ITPR3: variants seen among roughly 807,000 people sequenced by gnomAD.
The protein encoded by ITPR3 is inositol 1,4,5-trisphosphate receptor type 3.
ITPR3 carries 173 observed loss-of-function variants against 293.2 expected under a neutral mutation model. The observed-to-expected ratio is 0.59, with a 90% CI of 0.52 to 0.67. The LOEUF is 0.67. ITPR3 is among the 30% of genes least tolerant of loss of function. ITPR3 has a pLI of 0.00. For synonymous variants in ITPR3, 1,295 were observed against 1,444.4 expected, an observed-to-expected ratio of 0.90 and a Z score of 2.35; for missense variants, 2,796 against 3,592.1, an observed-to-expected ratio of 0.78 and a Z score of 5.66.
intron 3 of ITPR3, among the ~76,000 whole-genome samples, chr6:33,657,496 C>T (rs997128330): frequency 1.8e-4 from 27 of 151,584 alleles, no homozygotes; most frequent in Non-Finnish European, 3.7e-4. Flanking sequence ...CAGGAAATGG[C>T]ACCAAGCAGC....
In ITPR3 at chr6:33,659,063, G is replaced by C. The variant is rs776052649; in HGVS notation, c.571G>C (p.Gly191Arg). The C allele has an allele frequency of 2.5e-6, 4 of 1,614,116 alleles. No homozygotes were observed. Among genetic ancestry groups the C allele is most frequent in the Non-Finnish European group, 3.4e-6 (4 of 1,179,990 alleles). Reference protein sequence around the residue: ...DKVILNPVNAGQPLHASNYEL... With the variant: ...DKVILNPVNARQPLHASNYEL... ...GGTGATCCTGAATCCTGTCAATGCCGGGCAGCCTCTGCATGCCAGCAATTA... is the reference window on the plus strand; with the variant it reads ...GGTGATCCTGAATCCTGTCAATGCCCGGCAGCCTCTGCATGCCAGCAATTA... The change falls in exon 6 of 58, where the codon GGG (glycine) becomes CGG (arginine). Residue 191 changes from glycine to arginine, a missense_variant. Around this residue, in one of 8 missense-constraint regions of ITPR3, gnomAD observed 144 missense variants for 230.8 expected, o/e 0.62. Coordinates refer to ENST00000605930, the MANE Select transcript of ITPR3 (RefSeq NM_002224.4).
intron 1 of ITPR3, among the ~76,000 whole-genome samples, chr6:33,640,045 T>C (rs865816289): frequency 6.6e-6 from 1 of 152,196 alleles, no homozygotes; most frequent in Admixed American, 6.5e-5. Context: ...CTTATGCTTT[T>C]TGTCTTTCTG....
chr6:33,685,766 T>C lies in ITPR3; in HGVS notation c.5606T>C (p.Ile1869Thr). 6.2e-7 allele frequency: 1 copy of C among 1,602,472 alleles called. No individual in the cohort carries two copies. Among genetic ancestry groups the C allele is most frequent in the Non-Finnish European group, 8.5e-7 (1 of 1,172,318 alleles). ...AGTGAGATGGGCACATCCGTGCTCA[T>C]CATGCAGCCCATCCTGCGCTTTCTG... Reference protein sequence around the residue: ...QSSEMGTSVLIMQPILRFLQL... With the variant: ...QSSEMGTSVLTMQPILRFLQL... Residue 1869 changes from isoleucine (I) to threonine (T), a missense_variant, in exon 41 of 58, where the codon ATC becomes ACC. Ile to Thr is a moderately conservative substitution (Grantham distance 89). Around this residue, in one of 8 missense-constraint regions of ITPR3, gnomAD observed 704 missense variants for 797.5 expected, o/e 0.88. Coordinates refer to ENST00000605930, the MANE Select transcript of ITPR3 (RefSeq NM_002224.4).
chr6:33,637,653 G>A (rs1763854502), intron 1 of ITPR3, among the ~76,000 whole-genome samples: 1 of 150,568 alleles, frequency 6.6e-6, no homozygotes, highest in Non-Finnish European at 1.5e-5. Flanking sequence ...TTTTTAGACG[G>A]AGTTTTGCTC....
At position 33,663,851 on chromosome 6, in the gene ITPR3, C is replaced by G; in HGVS notation, c.1119C>G (p.Thr373=). Residue 373 remains threonine (T), a synonymous_variant, in exon 11 of 58, where the codon ACC becomes ACG. Transcript: ENST00000605930. ...IASLFELDPT[T]LQKTDSFVPR... Reference sequence around the variant, plus strand: ...CTCTCTTTGAGCTGGACCCCACCACCTTGCAGAAAACCGACTCTTTCGTGC... The same window carrying G: ...CTCTCTTTGAGCTGGACCCCACCACGTTGCAGAAAACCGACTCTTTCGTGC... 6.2e-7 allele frequency: 1 copy of G among 1,614,196 alleles called. No individual in the cohort carries two copies. Among genetic ancestry groups the G allele is most frequent in the Non-Finnish European group, 8.5e-7 (1 of 1,180,016 alleles).
At chr6:33,681,904 G>A (rs114818703) in intron 33 of ITPR3, among the ~76,000 whole-genome samples, 1 of 151,144 alleles carries the variant, frequency 6.6e-6, no homozygotes, top group Non-Finnish European at 1.5e-5. Context: ...TTTTTGAGAC[G>A]GAGTCTCACT....
Position 33,695,104 on chromosome 6 carries a change from C to A in ITPR3, c.7947+19C>A. 1.2e-6 allele frequency: 2 copies of A among 1,611,638 alleles called. No homozygotes were observed. Among genetic ancestry groups the A allele is most frequent in the Non-Finnish European group, 1.7e-6 (2 of 1,178,978 alleles). On this transcript the variant is annotated intron_variant, in intron 57 of 57. Transcript: ENST00000605930. ...GGAGCAGGTGTGCACCCCGCCTGAT[C>A]CCAGGCCCACCCTGGGTTCTATCCC... is the stretch of plus-strand genomic sequence containing the variant.
chr6:33,677,384 C>T, intron 27 of ITPR3, 120 bp from the exon 28 acceptor site: 1 of 1,409,048 alleles, frequency 7.1e-7, no homozygotes, highest in East Asian at 2.3e-5. Context: ...TGATTCAGCG[C>T]CTGTGACCTC....
In ITPR3 at chr6:33,682,070, C is replaced by A. The variant is rs1765091772; in HGVS notation, c.4477-454C>A. Among the ~76,000 whole-genome samples, 1 of 152,070 alleles carries A rather than the reference C, an allele frequency of 6.6e-6. No individual in the cohort carries two copies. The highest frequency in any genetic ancestry group is 2.4e-5 in the African/African-American group (1 of 41,400). ...CTAATTTTTGTATTTTTAGTAGAGA[C>A]AGGGTTTCACCATGTTGGCCAGGCT... On this transcript the variant is annotated intron_variant, in intron 33 of 57. Coordinates refer to ENST00000605930, the MANE Select transcript of ITPR3 (RefSeq NM_002224.4). The surrounding 1 kb of genome is among the most constrained non-coding windows in gnomAD (Gnocchi z 5.4).
intron 7 of ITPR3, among the ~76,000 whole-genome samples, chr6:33,660,906 G>A (rs991371836): frequency 1.3e-5 from 2 of 152,106 alleles, no homozygotes; most frequent in African/African-American, 4.8e-5. Flanking sequence ...ACTCCAGCCT[G>A]GGTGACAGAG....
rs1210698705 is a variant in ITPR3 at position 33,682,260 on chromosome 6, T to C, written c.4477-264T>C. Among the ~76,000 whole-genome samples the C allele has an allele frequency of 6.6e-6, 1 of 152,250 alleles. No individual in the cohort carries two copies. Among genetic ancestry groups the C allele is most frequent in the Non-Finnish European group, 1.5e-5 (1 of 68,044 alleles). ...CACCTTTTTATGACATTAATTTTTT[T>C]AAACATTTTTTAAAAGGGTCAGCAA... On this transcript the variant is annotated intron_variant, in intron 33 of 57. Coordinates refer to ENST00000605930, the MANE Select transcript of ITPR3 (RefSeq NM_002224.4). This position sits in a 1 kb window ranked among gnomAD's most constrained non-coding sequence, Gnocchi z 5.4.
At chr6:33,622,294 G>A (rs986759752) in intron 1 of ITPR3, among the ~76,000 whole-genome samples, 1 of 152,258 alleles carries the variant, frequency 6.6e-6, no homozygotes, top group Non-Finnish European at 1.5e-5. Context: ...CCGGTCATCT[G>A]GCGCCCTTGG....
Position 33,688,798 on chromosome 6 carries a change from G to A in ITPR3, c.6694+17G>A, listed in dbSNP as rs1262343434. Reference sequence around the variant, plus strand: ...CGTCCACAGGTGAGAACACAGGGCTGGCCGGCAGGTTCCCCGGGCCCTGCC... The same window carrying A: ...CGTCCACAGGTGAGAACACAGGGCTAGCCGGCAGGTTCCCCGGGCCCTGCC... On this transcript the variant is annotated intron_variant, in intron 49 of 57. Coordinates refer to ENST00000605930, the MANE Select transcript of ITPR3 (RefSeq NM_002224.4). 6.2e-7 allele frequency: 1 copy of A among 1,614,104 alleles called. No homozygotes were observed. Among genetic ancestry groups the A allele is most frequent in the South Asian group, 1.1e-5 (1 of 91,072 alleles).
In ITPR3 at chr6:33,670,207, C is replaced by A; in HGVS notation, c.2190-118C>A. ...CTTTCTAACTCAGAATTGCAGCTGGCGCATCTTTAACCTAATCCCTTTGCC... is the reference window on the plus strand; with the variant it reads ...CTTTCTAACTCAGAATTGCAGCTGGAGCATCTTTAACCTAATCCCTTTGCC... On this transcript the variant is annotated intron_variant, in intron 18 of 57. Transcript: ENST00000605930. The surrounding 1 kb of genome is among the most constrained non-coding windows in gnomAD (Gnocchi z 6.7). The A allele has an allele frequency of 9.5e-7, 1 of 1,052,494 alleles. No individual in the cohort carries two copies. Among genetic ancestry groups the A allele is most frequent in the Non-Finnish European group, 1.4e-6 (1 of 711,048 alleles). The allele number at this position is 1,052,494 out of a possible 1,614,324, so 65.2% of individuals were successfully genotyped here.
intron 2 of ITPR3, among the ~76,000 whole-genome samples, chr6:33,649,626 T>C (rs12529825): frequency 0.063 from 9,602 of 152,338 alleles, 398 homozygotes; most frequent in Non-Finnish European, 0.094. Context: ...AGTCTAAACA[T>C]TGAAGATGAT....
intron 1 of ITPR3, among the ~76,000 whole-genome samples, chr6:33,625,504 C>T (rs1582093271): frequency 2.0e-5 from 3 of 152,308 alleles, no homozygotes; most frequent in African/African-American, 7.2e-5. Context: ...GTTGGGATTA[C>T]AGCCGCGAGC....
intron 17 of ITPR3, 143 bp from the exon 18 acceptor site, chr6:33,668,831 C>T (rs1764682038): frequency 2.6e-6 from 3 of 1,171,958 alleles, no homozygotes; most frequent in South Asian, 1.5e-5. Flanking sequence ...AAAGAATGAG[C>T]CACGGACCCT....
chr6:33,681,225 G>C (rs1582155439), intron 33 of ITPR3, among the ~76,000 whole-genome samples: 2 of 152,198 alleles, frequency 1.3e-5, no homozygotes, highest in African/African-American at 4.8e-5. Context: ...ATGACGGTGG[G>C]AATGGTACCA....
intron 32 of ITPR3, 31 bp downstream of exon 32, chr6:33,680,485 C>T: frequency 6.2e-7 from 1 of 1,611,602 alleles, no homozygotes; most frequent in South Asian, 1.1e-5. Context: ...TGGGTGAAGC[C>T]CCCCAGGAGG....
Sources: allele counts gnomAD v4.1 joint callset (sites outside exome capture counted in the v4.1 genomes callset), GRCh38; gene constraint gnomAD v4.1.1; regional missense constraint gnomAD v4.1.1; non-coding constraint Gnocchi (gnomAD v3.1); transcripts MANE v1.5; gene names NCBI Gene and HGNC (gene_info 2026-07-23, HGNC 2026-07-21).